The following MYOF variants were observed in gnomAD, a reference collection of about 807,000 sequenced individuals.
MYOF encodes fer-1-like 3, myoferlin.
MYOF carries 244 observed loss-of-function variants against 284.2 expected under a neutral mutation model. That is an observed-to-expected ratio of 0.86 (90% confidence interval 0.77 to 0.95). MYOF has a LOEUF of 0.95. Among genes scored for constraint, MYOF ranks in the 40% least tolerant of loss-of-function variants. The probability of loss-of-function intolerance (pLI) is 0.00; values close to 1 mark genes in which losing one functional copy is unlikely to be tolerated. For missense variants in MYOF, 2,496 were observed against 2,560.6 expected, an observed-to-expected ratio of 0.97 and a Z score of 0.54; for synonymous variants, 904 against 919.7, an observed-to-expected ratio of 0.98 and a Z score of 0.31.
Position 93,362,998 on chromosome 10 carries a change from T to C in MYOF, c.2868+963A>G, listed in dbSNP as rs559593499. On this transcript the variant is annotated intron_variant, in intron 27 of 53. Coordinates refer to ENST00000359263, the MANE Select transcript of MYOF (RefSeq NM_013451.4). ...ATGTTTAAGGATGTTCACTGTTACA[T>C]TGCTTATAAAAACCAACGACTCAAA... is the stretch of plus-strand genomic sequence containing the variant. 3.2e-4 allele frequency among the ~76,000 whole-genome samples: 49 copies of C among 152,326 alleles called. 2 individuals carry two copies. The South Asian group carries it at 9.3e-3, about 29-fold the overall frequency.
At chr10:93,394,410 T>C (rs530797683) in intron 16 of MYOF, among the ~76,000 whole-genome samples, 4 of 146,596 alleles carry the variant, frequency 2.7e-5, no homozygotes, top group Admixed American at 7.0e-5. Context: ...CCATGTACAT[T>C]TATAATTGTA....
At position 93,381,073 on chromosome 10, in the gene MYOF, C is replaced by T. The variant is rs1009852604; in HGVS notation, c.1876+146G>A. On this transcript the variant is annotated intron_variant, in intron 20 of 53. Transcript: ENST00000359263. ...GTCTTTAAGGTGCCTGAACCCCAAC[C>T]ACACTCTCTTCCTCATTCAACCTTT... is the stretch of plus-strand genomic sequence containing the variant. 10 of 921,434 alleles carry T rather than the reference C, an allele frequency of 1.1e-5. No individual in the cohort carries two copies. The African/African-American group carries it at 1.7e-4, about 16-fold the overall frequency. 57.1% of individuals were successfully genotyped at this position (921,434 alleles called of 1,614,324 possible).
chr10:93,320,513 A>G (rs1458369020), intron 48 of MYOF, among the ~76,000 whole-genome samples: 1 of 152,230 alleles, frequency 6.6e-6, no homozygotes, highest in Non-Finnish European at 1.5e-5. Context: ...TTATTCTTAA[A>G]TTCACTATGA....
chr10:93,350,177 T>C (rs377488570), intron 35 of MYOF, among the ~76,000 whole-genome samples: 5 of 152,258 alleles, frequency 3.3e-5, no homozygotes, highest in African/African-American at 4.8e-5. Flanking sequence ...GTTAAGAGTA[T>C]AGGAATCAAA....
intron 7 of MYOF, among the ~76,000 whole-genome samples, chr10:93,408,545 A>G (rs957418518): frequency 1.3e-5 from 2 of 152,106 alleles, no homozygotes; most frequent in African/African-American, 4.8e-5. Context: ...CTCAAAAAAA[A>G]AAAAAAGCTA....
intron 27 of MYOF, among the ~76,000 whole-genome samples, chr10:93,363,042 C>A (rs1327691435): frequency 6.6e-6 from 1 of 152,092 alleles, no homozygotes; most frequent in Non-Finnish European, 1.5e-5. Context: ...CACCTAAATG[C>A]CCAGAAAGAG....
intron 49 of MYOF, among the ~76,000 whole-genome samples, chr10:93,318,698 T>G (rs1398142617): frequency 4.0e-5 from 6 of 151,170 alleles, no homozygotes; most frequent in African/African-American, 1.5e-4. Context: ...GCAGAGGTTG[T>G]GGTGAGCTGA....
chr10:93,432,365 C>A (rs1323387069), intron 3 of MYOF, among the ~76,000 whole-genome samples: 5 of 151,318 alleles, frequency 3.3e-5, no homozygotes, highest in Non-Finnish European at 7.4e-5. Flanking sequence ...CCAGGCTGGG[C>A]GACAGAGTGA....
chr10:93,367,254 G>T (rs180849244), intron 25 of MYOF, among the ~76,000 whole-genome samples: 2 of 152,244 alleles, frequency 1.3e-5, no homozygotes, highest in East Asian at 3.9e-4. Flanking sequence ...AATCTATGAC[G>T]GTCTGCTCTT....
intron 45 of MYOF, among the ~76,000 whole-genome samples, chr10:93,326,780 A>G (rs1396402757): frequency 6.6e-6 from 1 of 151,936 alleles, no homozygotes; most frequent in Non-Finnish European, 1.5e-5. Context: ...ATGTGCCACC[A>G]CACGCAGCTA....
At position 93,426,097 on chromosome 10, in the gene MYOF, C is replaced by G; in HGVS notation, c.407G>C (p.Ser136Thr). Residue 136 changes from serine (S) to threonine (T), a missense_variant, in exon 5 of 54, where the codon AGC (serine) becomes ACC (threonine). Physicochemically the swap from Ser to Thr is moderately conservative, Grantham distance 58 (BLOSUM62 1). Coordinates refer to ENST00000359263, the MANE Select transcript of MYOF (RefSeq NM_013451.4). ...TCCCATGCCTGGCACGCTGGGCCCGCTCAGGTCATTTGGATGTGGAGCAGA... is the reference window on the plus strand; with the variant it reads ...TCCCATGCCTGGCACGCTGGGCCCGGTCAGGTCATTTGGATGTGGAGCAGA... ...PPSAPHPNDL[S>T]GPSVPGMGGD... is the part of the protein sequence containing the mutation. 1.3e-6 allele frequency: 2 copies of G among 1,559,748 alleles called. No individual in the cohort carries two copies. The highest frequency in any genetic ancestry group is 1.7e-6 in the Non-Finnish European group (2 of 1,150,992).
At chr10:93,414,685 C>G (rs1848044054) in intron 5 of MYOF, among the ~76,000 whole-genome samples, 1 of 152,164 alleles carries the variant, frequency 6.6e-6, no homozygotes, top group African/African-American at 2.4e-5. Flanking sequence ...GGCCACTATT[C>G]AGTCCACTAG....
intron 3 of MYOF, 53 bp downstream of exon 3, chr10:93,451,993 TAAAC>T (rs2056603503): frequency 8.1e-7 from 1 of 1,229,584 alleles, no homozygotes; most frequent in Non-Finnish European, 1.2e-6. Context: ...TTCAACAAAA[TAAAC>T]AACAGTGAGA....
At chr10:93,358,580 A>G (rs1351906570) in intron 29 of MYOF, among the ~76,000 whole-genome samples, 1 of 152,200 alleles carries the variant, frequency 6.6e-6, no homozygotes, top group African/African-American at 2.4e-5. Context: ...CTGGATGAAG[A>G]AAATGTGGTA....
chr10:93,351,853 C>T lies in MYOF; in HGVS notation c.3482-7G>A. ...CAGATATGAGCATATGGATCTAAAA[C>T]AGAAAAAGAGAATAACAACGGGGCC... On this transcript the variant is annotated splice_region_variant and splice_polypyrimidine_tract_variant and intron_variant, in intron 32 of 53. Coordinates refer to ENST00000359263, the MANE Select transcript of MYOF (RefSeq NM_013451.4). 1 of 1,577,982 alleles carries T rather than the reference C, an allele frequency of 6.3e-7. No individual in the cohort carries two copies. Among genetic ancestry groups the T allele is most frequent in the East Asian group, 2.2e-5 (1 of 44,530 alleles).
At chr10:93,471,309 T>TTTTTTCC (rs1482598270) in intron 1 of MYOF, among the ~76,000 whole-genome samples, 1 of 146,400 alleles carries the variant, frequency 6.8e-6, no homozygotes, top group Non-Finnish European at 1.5e-5. Flanking sequence ...GGATGGGTTT[T>TTTTTTCC]TTTTTCTTTT....
rs1053594747 is a variant in MYOF, at chr10:93,329,716, G to A, written c.4930C>T (p.Arg1644Ter). 18 of 1,614,060 alleles carry A rather than the reference G, an allele frequency of 1.1e-5. No homozygotes were observed. Among genetic ancestry groups the A allele is most frequent in the African/African-American group, 8.0e-5 (6 of 74,918 alleles). The stretch of plus-strand genomic sequence containing the variant: ...TGGGACCCAAAGCGGGAAAGGAATC[G>A]GTTTTCCAGATCAATAATTGTTTCT... The part of the protein sequence containing the change: ...VGETIIDLEN[R>*]FLSRFGSHCG... The change falls in exon 44 of 54, where the codon CGA (arginine) becomes TGA (stop). Residue 1644 changes from arginine to a stop codon, truncating the protein, a stop_gained. Coordinates refer to ENST00000359263, the MANE Select transcript of MYOF (RefSeq NM_013451.4). LOFTEE classifies it high-confidence loss of function.
chr10:93,347,616 C>A lies in MYOF; in HGVS notation c.4249+1G>T. 1 of 1,609,468 alleles carries A rather than the reference C, an allele frequency of 6.2e-7. No homozygotes were observed. Among genetic ancestry groups the A allele is most frequent in the Admixed American group, 1.7e-5 (1 of 59,748 alleles). ...GACTTATGCACAGCCTTGCATGTTA[C>A]CTTTGAGCTGTGGGACGATGTCCTC... On this transcript the variant is annotated splice_donor_variant, in intron 37 of 53. Coordinates refer to ENST00000359263, the MANE Select transcript of MYOF (RefSeq NM_013451.4). LOFTEE classifies it high-confidence loss of function.
intron 40 of MYOF, chr10:93,337,393 T>C (rs1456912170): frequency 6.1e-6 from 1 of 162,662 alleles, no homozygotes; most frequent in African/African-American, 2.4e-5. Flanking sequence ...TTATGCTGCA[T>C]ACATGTGACA....
Sources: allele counts gnomAD v4.1 joint callset (sites outside exome capture counted in the v4.1 genomes callset), GRCh38; gene constraint gnomAD v4.1.1; transcripts MANE v1.5; gene names NCBI Gene and HGNC (gene_info 2026-07-23, HGNC 2026-07-21).